C5: variants seen among roughly 807,000 people sequenced by gnomAD.
The protein encoded by C5 is C3 and PZP-like alpha-2-macroglobulin domain-containing protein 4.
C5 carries 140 observed loss-of-function variants against 218.8 expected under a neutral mutation model. The ratio of observed to expected loss-of-function variants is 0.64; its 90% CI spans 0.56 to 0.74. The LOEUF (loss-of-function observed/expected upper bound fraction) is 0.74, where lower values mean the gene tolerates loss of function less well. C5 is among the 30% of genes least tolerant of loss of function. The pLI is 0.00. For synonymous variants in C5, 614 were observed against 682.3 expected, an observed-to-expected ratio of 0.90 and a Z score of 1.56; for missense variants, 1,700 against 1,969.6, an observed-to-expected ratio of 0.86 and a Z score of 2.59.
rs1478701399 is a variant in C5 at position 121,030,264 on chromosome 9, T to C, written c.758+133A>G. 5.1e-6 allele frequency: 3 copies of C among 590,618 alleles called. No individual in the cohort carries two copies. The African/African-American group carries it at 5.6e-5, about 11-fold the overall frequency. The allele number at this position is 590,618 out of a possible 1,614,324, so 36.6% of individuals were successfully genotyped here. A position where few individuals can be genotyped will look rare whatever the true frequency, so the allele number is the denominator to read the frequency against. On this transcript the variant is annotated intron_variant, in intron 7 of 40. Transcript: ENST00000223642. ...TGAACTACCAGCATGATGTCTCCTT[T>C]ATCAATTAGTCCCCAAATCATGGCA...
At chr9:121,016,635 G>C (rs1444513497) in intron 14 of C5, among the ~76,000 whole-genome samples, 2 of 152,136 alleles carry the variant, frequency 1.3e-5, no homozygotes, top group Non-Finnish European at 2.9e-5. Flanking sequence ...GAGTTTCTTA[G>C]AAACTGATAT....
At chr9:121,042,640 T>C (rs140750879) in intron 3 of C5, among the ~76,000 whole-genome samples, 4 of 152,338 alleles carry the variant, frequency 2.6e-5, no homozygotes, top group Non-Finnish European at 4.4e-5. Context: ...TTTTCCAAAC[T>C]TTTACAATAA....
chr9:120,985,194 C>T (rs2047024558), intron 25 of C5, among the ~76,000 whole-genome samples: 1 of 152,026 alleles, frequency 6.6e-6, no homozygotes, highest in Non-Finnish European at 1.5e-5. Context: ...TTGGAGACTG[C>T]CCTGAAATTC....
At chr9:121,065,590 A>T in the C5 span, among the ~76,000 whole-genome samples, 1 of 152,122 alleles carries the variant, frequency 6.6e-6, no homozygotes, top group African/African-American at 2.4e-5. Flanking sequence ...CGCTCAAGCG[A>T]TTCTCCCAAC....
intron 20 of C5, among the ~76,000 whole-genome samples, chr9:121,003,794 C>T (rs1281993697): frequency 1.3e-5 from 2 of 151,812 alleles, no homozygotes; most frequent in African/African-American, 2.4e-5. Flanking sequence ...CAAACTCTCT[C>T]TCATTTCTAA....
intron 10 of C5, among the ~76,000 whole-genome samples, chr9:121,022,667 A>C (rs924373187): frequency 4.7e-5 from 7 of 150,008 alleles, no homozygotes; most frequent in Non-Finnish European, 8.9e-5. Flanking sequence ...TGGATTTCTA[A>C]ATTAAGGGCA....
intron 5 of C5, among the ~76,000 whole-genome samples, chr9:121,032,616 C>A (rs1033553130): frequency 2.0e-5 from 3 of 152,190 alleles, no homozygotes; most frequent in African/African-American, 7.2e-5. Context: ...ATAAAATTTA[C>A]ACCTCACAAA....
At chr9:120,989,862 C>G in intron 23 of C5, 82 bp from the exon 24 acceptor site, 1 of 1,128,022 alleles carries the variant, frequency 8.9e-7, no homozygotes, top group Admixed American at 1.9e-5. Flanking sequence ...GAACAACCAT[C>G]TAGAGATGGT....
chr9:120,977,059 T>A (rs41311935), intron 28 of C5, among the ~76,000 whole-genome samples, 154 bp from the exon 29 acceptor site: 126 of 152,264 alleles, frequency 8.3e-4, no homozygotes, highest in Non-Finnish European at 1.4e-3. Flanking sequence ...CAAAACGAGA[T>A]CCCTTAATAT....
At chr9:121,065,522 C>T in the C5 span, among the ~76,000 whole-genome samples, 3 of 152,220 alleles carry the variant, frequency 2.0e-5, no homozygotes, top group East Asian at 3.8e-4. Context: ...TGCAGCAGTG[C>T]AATCACAGCT....
At chr9:121,017,893 A>G in intron 12 of C5, 41 bp from the exon 13 acceptor site, 1 of 1,235,914 alleles carries the variant, frequency 8.1e-7, no homozygotes, top group Non-Finnish European at 1.2e-6. Context: ...TAAAAAATAA[A>G]CAAACAAAAA....
intron 17 of C5, among the ~76,000 whole-genome samples, chr9:121,011,541 C>G (rs2047262000): frequency 2.3e-5 from 2 of 87,502 alleles, no homozygotes; most frequent in Admixed American, 2.3e-4. Context: ...ATGTAAATTA[C>G]TATACACTAT....
In C5 at chr9:121,017,868, A is replaced by G; in HGVS notation, c.1507-16T>C. 2 of 1,481,502 alleles carry G rather than the reference A, an allele frequency of 1.3e-6. No individual in the cohort carries two copies. The highest frequency in any genetic ancestry group is 1.4e-5 in the African/African-American group (1 of 72,562). The allele number at this position is 1,481,502 out of a possible 1,614,324, so 91.8% of individuals were successfully genotyped here. ...TGGATAAAATCTAAAAATAAACAGC[A>G]GCAGCAACAATAAGTAAAAAATAAA... On this transcript the variant is annotated splice_polypyrimidine_tract_variant and intron_variant, in intron 12 of 40. Coordinates refer to ENST00000223642, the MANE Select transcript of C5 (RefSeq NM_001735.3).
intron 22 of C5, 77 bp from the exon 23 acceptor site, chr9:120,991,357 T>G: frequency 1.2e-6 from 1 of 805,908 alleles, no homozygotes; most frequent in Non-Finnish European, 2.2e-6. Context: ...ATGTATCTAC[T>G]TCCAAAGAAT....
chr9:121,020,344 T>A (rs2047353991), intron 11 of C5, among the ~76,000 whole-genome samples, 165 bp from the exon 12 acceptor site: 1 of 152,194 alleles, frequency 6.6e-6, no homozygotes, highest in South Asian at 2.1e-4. Context: ...ACAGCTGTGG[T>A]GTCAAGCAAC....
At chr9:120,967,884 G>C (rs889749315) in intron 33 of C5, among the ~76,000 whole-genome samples, 1 of 151,974 alleles carries the variant, frequency 6.6e-6, no homozygotes, top group African/African-American at 2.4e-5. Context: ...ACCATGTCTG[G>C]CTAATTTTTA....
the C5 span, among the ~76,000 whole-genome samples, chr9:121,070,847 T>C: frequency 6.6e-6 from 1 of 152,082 alleles, no homozygotes; most frequent in African/African-American, 2.4e-5. Flanking sequence ...AACAATAATA[T>C]ATTATATAGT....
intron 15 of C5, among the ~76,000 whole-genome samples, chr9:121,015,560 G>C (rs2047299944): frequency 6.6e-6 from 1 of 152,156 alleles, no homozygotes. Context: ...TTTAGAGTGA[G>C]TGATGCTTTT....
Position 121,019,980 on chromosome 9 carries a change from T to C in C5, c.1502A>G (p.Tyr501Cys). The change falls in exon 12 of 41, where the codon TAC becomes TGC. Residue 501 changes from tyrosine to cysteine, a missense_variant. Tyr to Cys is a radical substitution (Grantham distance 194). Coordinates refer to ENST00000223642, the MANE Select transcript of C5 (RefSeq NM_001735.3). ...PYIDKITHYN[Y>C]LILSKGKIIH... is the part of the protein sequence containing the mutation. Reference sequence around the variant, plus strand: ...AATCCATCATTATGTACTTACCAAGTAATTATAGTGAGTTATTTTGTCAAT... The same window carrying C: ...AATCCATCATTATGTACTTACCAAGCAATTATAGTGAGTTATTTTGTCAAT... 6.4e-7 allele frequency: 1 copy of C among 1,572,054 alleles called. No individual in the cohort carries two copies. The highest frequency in any genetic ancestry group is 8.8e-7 in the Non-Finnish European group (1 of 1,141,870).
Sources: gnomAD v4.1 joint callset for allele counts (sites outside exome capture counted in the v4.1 genomes callset) on GRCh38, gnomAD v4.1.1 for gene constraint, MANE v1.5 for transcripts, NCBI Gene and HGNC (gene_info 2026-07-23, HGNC 2026-07-21) for gene names.